TACR3: variants seen among roughly 807,000 people sequenced by gnomAD.
The protein encoded by TACR3 is tachykinin receptor 3.
Under a neutral mutation model 35.0 loss-of-function variants are expected in TACR3, and 34 were observed. The ratio of observed to expected loss-of-function variants is 0.97; its 90% CI spans 0.74 to 1.30. The LOEUF (loss-of-function observed/expected upper bound fraction) is 1.30. Among genes scored for constraint, TACR3 ranks in the 50% most tolerant of loss-of-function variants. TACR3 has a pLI of 0.00. For missense variants in TACR3, 558 were observed against 591.7 expected (o/e 0.94, Z 0.59); for synonymous variants, 233 against 221.1 (o/e 1.05, Z -0.48).
At chr4:103,606,798 T>C (rs1022416124) in intron 3 of TACR3, among the ~76,000 whole-genome samples, 21 of 152,188 alleles carry the variant, frequency 1.4e-4, no homozygotes, top group Non-Finnish European at 2.9e-4. Context: ...CTTTTCCTAA[T>C]TGAATACCCT....
At chr4:103,699,379 A>T (rs1722596318) in intron 1 of TACR3, among the ~76,000 whole-genome samples, 1 of 152,148 alleles carries the variant, frequency 6.6e-6, no homozygotes, top group Admixed American at 6.5e-5. Flanking sequence ...TAGTAATAGA[A>T]AAGATTACAG....
rs185454022 is a variant in TACR3 at position 103,675,946 on chromosome 4, T to C, written c.549-17543A>G. Among the ~76,000 whole-genome samples the C allele has an allele frequency of 6.8e-3, 1,035 of 152,300 alleles. 6 individuals are homozygous for C. Among genetic ancestry groups the C allele is most frequent in the Non-Finnish European group, 0.011 (731 of 68,026 alleles). ...CCCTCTTGCTCATACCTTTTATTTA[T>C]ATAATTGGCAAATTTCTACCCATGC... On this transcript the variant is annotated intron_variant, in intron 1 of 4. Coordinates refer to ENST00000304883, the MANE Select transcript of TACR3 (RefSeq NM_001059.3).
At chr4:103,609,950 A>T (rs1469295428) in intron 3 of TACR3, among the ~76,000 whole-genome samples, 1 of 152,070 alleles carries the variant, frequency 6.6e-6, no homozygotes, top group Non-Finnish European at 1.5e-5. Context: ...AATCATAAAA[A>T]ATAATTTTTT....
chr4:103,656,565 G>A (rs1440554615), intron 2 of TACR3, among the ~76,000 whole-genome samples: 1 of 151,968 alleles, frequency 6.6e-6, no homozygotes, highest in African/African-American at 2.4e-5. Context: ...CTTGGTATAT[G>A]AAAACTATAG....
At chr4:103,626,919 T>C (rs1254573456) in intron 3 of TACR3, among the ~76,000 whole-genome samples, 4 of 151,760 alleles carry the variant, frequency 2.6e-5, no homozygotes, top group Non-Finnish European at 5.9e-5. Context: ...TCACACCCGT[T>C]ATCCCAGCAC....
rs1368995636 is a variant in TACR3 at position 103,636,760 on chromosome 4, T to C, written c.888+19434A>G. ...ATAAAAAATGATAAAGGGGATATCA[T>C]CACCAATCCCACAGAAATATAAACT... is the stretch of plus-strand genomic sequence containing the variant. On this transcript the variant is annotated intron_variant, in intron 3 of 4. Transcript: ENST00000304883. 2.6e-5 allele frequency among the ~76,000 whole-genome samples: 4 copies of C among 152,008 alleles called. No individual in the cohort carries two copies. In the South Asian group the frequency reaches 8.3e-4, roughly 32 times the overall value.
intron 4 of TACR3, 95 bp downstream of exon 4, chr4:103,591,392 A>T (rs1343644811): frequency 1.6e-5 from 23 of 1,478,442 alleles, no homozygotes; most frequent in Non-Finnish European, 2.2e-5. Flanking sequence ...TTCCTTCTGC[A>T]TTTTGAATTT....
intron 1 of TACR3, among the ~76,000 whole-genome samples, chr4:103,676,695 T>C (rs1726177836): frequency 1.3e-5 from 2 of 152,110 alleles, no homozygotes; most frequent in African/African-American, 4.8e-5. Flanking sequence ...ACCCCTTCCT[T>C]ACACCATATA....
intron 1 of TACR3, among the ~76,000 whole-genome samples, chr4:103,712,732 A>G (rs1217543632): frequency 6.6e-6 from 1 of 152,214 alleles, no homozygotes; most frequent in Non-Finnish European, 1.5e-5. Flanking sequence ...TCATCTGACA[A>G]AGGGCTAATA....
chr4:103,636,916 T>C (rs1310561234), intron 3 of TACR3, among the ~76,000 whole-genome samples: 1 of 152,018 alleles, frequency 6.6e-6, no homozygotes, highest in Non-Finnish European at 1.5e-5. Flanking sequence ...AATAGACCAA[T>C]AACAGGCTCT....
intron 1 of TACR3, among the ~76,000 whole-genome samples, chr4:103,714,310 T>C (rs113283390): frequency 2.0e-5 from 3 of 152,280 alleles, no homozygotes; most frequent in African/African-American, 7.2e-5. Context: ...TGATTACATA[T>C]GATTCTGTGA....
At chr4:103,711,480 A>G (rs376937506) in intron 1 of TACR3, among the ~76,000 whole-genome samples, 3 of 152,138 alleles carry the variant, frequency 2.0e-5, no homozygotes, top group African/African-American at 7.2e-5. Context: ...ATTAGGTATT[A>G]ATGGGATGTA....
Position 103,589,833 on chromosome 4 carries a change from T to C in TACR3, c.1247A>G (p.Asn416Ser), listed in dbSNP as rs1365226651. 2.5e-6 allele frequency: 4 copies of C among 1,613,892 alleles called. No homozygotes were observed. Among genetic ancestry groups the C allele is most frequent in the Non-Finnish European group, 3.4e-6 (4 of 1,179,850 alleles). The change falls in exon 5 of 5, where the codon AAC becomes AGC. Residue 416 changes from asparagine (N) to serine (S), a missense_variant. Coordinates refer to ENST00000304883, the MANE Select transcript of TACR3 (RefSeq NM_001059.3). ...ACTGGACCTGGTGGTGTCTGCATCG[T>C]TGGGGTCAAACACGACTGTCATGGA... ...MESMTVVFDP[N>S]DADTTRSSRK...
At chr4:103,661,954 A>G (rs11733295) in intron 1 of TACR3, among the ~76,000 whole-genome samples, 18,895 of 152,248 alleles carry the variant, frequency 0.12, 1,400 homozygotes, top group Non-Finnish European at 0.17. Context: ...TGTGAAGTCC[A>G]TACCATTTGT....
At chr4:103,642,829 C>A (rs1205359791) in intron 3 of TACR3, among the ~76,000 whole-genome samples, 1 of 151,586 alleles carries the variant, frequency 6.6e-6, no homozygotes, top group African/African-American at 2.4e-5. Flanking sequence ...GGAATGCTCC[C>A]AACATAAAGG....
Position 103,586,976 on chromosome 4 carries a change from T to C in TACR3, c.*2706A>G, listed in dbSNP as rs1723782978. ...TTAAAAATATTTTGAATTTTTCTGATACTGATCTAAGTAAAAAAACCTGGG... is the reference window on the plus strand; with the variant it reads ...TTAAAAATATTTTGAATTTTTCTGACACTGATCTAAGTAAAAAAACCTGGG... On this transcript the variant is annotated 3_prime_UTR_variant, in exon 5 of 5. Transcript: ENST00000304883. The C allele has an allele frequency of 6.6e-6, 1 of 152,030 alleles. No homozygotes were observed. The highest frequency in any genetic ancestry group is 6.6e-5 in the Admixed American group (1 of 15,206). The allele number at this position is 152,030 out of a possible 1,614,324, so 9.4% of individuals were successfully genotyped here.
chr4:103,686,602 ATGTC>A (rs1560531180), intron 1 of TACR3, among the ~76,000 whole-genome samples: 1 of 152,206 alleles, frequency 6.6e-6, no homozygotes, highest in African/African-American at 2.4e-5. Flanking sequence ...ATTATATAAA[ATGTC>A]TGATTTTTGA....
chr4:103,703,817 A>G (rs1722720196), intron 1 of TACR3, among the ~76,000 whole-genome samples: 1 of 152,020 alleles, frequency 6.6e-6, no homozygotes, highest in Non-Finnish European at 1.5e-5. Flanking sequence ...TTGGTAATAC[A>G]TGGCCGGCCG....
intron 1 of TACR3, among the ~76,000 whole-genome samples, chr4:103,685,744 A>C (rs1722213322): frequency 6.6e-6 from 1 of 152,200 alleles, no homozygotes; most frequent in Non-Finnish European, 1.5e-5. Context: ...AATCAAAATT[A>C]ACTATTGAAA....
Sources: gnomAD v4.1 joint callset for allele counts (sites outside exome capture counted in the v4.1 genomes callset) on GRCh38, gnomAD v4.1.1 for gene constraint, MANE v1.5 for transcripts, NCBI Gene and HGNC (gene_info 2026-07-23, HGNC 2026-07-21) for gene names.